Variants in RMDN2 observed in about 807,000 individuals in gnomAD.
The protein encoded by RMDN2 is regulator of microtubule dynamics protein 2.
Under a neutral mutation model 52.8 loss-of-function variants are expected in RMDN2, and 61 were observed. The ratio of observed to expected loss-of-function variants is 1.16; its 90% confidence interval spans 0.94 to 1.43. The LOEUF (loss-of-function observed/expected upper bound fraction) is 1.43. RMDN2 is among the 40% of genes most tolerant of loss of function. The pLI is 0.00. For synonymous variants in RMDN2, 180 were observed against 153.1 expected (o/e 1.18, Z -1.30); for missense variants, 592 against 475.3 (o/e 1.25, Z -2.28).
At position 37,956,389 on chromosome 2, in the gene RMDN2, T is replaced by C. The variant is rs562775469; in HGVS notation, c.453-17651T>C. 5.3e-5 allele frequency among the ~76,000 whole-genome samples: 8 copies of C among 152,278 alleles called. No individual in the cohort carries two copies. In the South Asian group the frequency reaches 1.7e-3, roughly 32 times the overall value. On this transcript the variant is annotated intron_variant, in intron 2 of 10. Transcript: ENST00000354545. ...CTTTTTATTTCTATAAAATCAGTAA[T>C]GTCCCCTCTTTCATTTCTGATTGTA...
chr2:37,945,875 A>G (rs555064643), intron 2 of RMDN2, among the ~76,000 whole-genome samples: 9 of 152,282 alleles, frequency 5.9e-5, no homozygotes, highest in South Asian at 2.1e-4. Context: ...AAGAAAGTAC[A>G]CGGTGTCAGA....
chr2:37,951,617 A>G, intron 2 of RMDN2: 3 of 1,613,484 alleles, frequency 1.9e-6, no homozygotes, highest in Non-Finnish European at 2.5e-6. Context: ...AACTAAGTAT[A>G]GTTTCCTATT....
chr2:38,051,682 C>G (rs1190828152), intron 10 of RMDN2, among the ~76,000 whole-genome samples: 1 of 152,176 alleles, frequency 6.6e-6, no homozygotes, highest in Non-Finnish European at 1.5e-5. Context: ...TCCTCTCCCC[C>G]TACACATACC....
At chr2:37,951,675 T>TTTA in intron 2 of RMDN2, 1 of 1,613,212 alleles carries the variant, frequency 6.2e-7, no homozygotes, top group Non-Finnish European at 8.5e-7. Context: ...CCAGAATGTG[T>TTTA]TTAATCTAAA....
At chr2:38,047,264 A>G (rs898972992) in intron 10 of RMDN2, among the ~76,000 whole-genome samples, 7 of 152,258 alleles carry the variant, frequency 4.6e-5, no homozygotes, top group African/African-American at 1.7e-4. Flanking sequence ...GAAAAGGTAA[A>G]TACGTAAGTA....
chr2:38,064,278 T>A (rs115854119), intron 10 of RMDN2, among the ~76,000 whole-genome samples: 1,872 of 152,138 alleles, frequency 0.012, 42 homozygotes, highest in African/African-American at 0.043. Context: ...GGCGGGTAGA[T>A]CAGGAGTTTG....
At position 37,991,615 on chromosome 2, in the gene RMDN2, A is replaced by G. The variant is rs1208403430; in HGVS notation, c.945+318A>G. 3.9e-5 allele frequency among the ~76,000 whole-genome samples: 6 copies of G among 151,974 alleles called. No homozygotes were observed. In the East Asian group the frequency reaches 9.6e-4, roughly 24 times the overall value. On this transcript the variant is annotated intron_variant, in intron 7 of 10. Coordinates refer to ENST00000354545, the MANE Select transcript of RMDN2 (RefSeq NM_001170791.3). ...TTCCTGCTTTTTCATTTCTTTTTGC[A>G]GTAGTCACGTTCCCTCCCTTTGTGG... is the stretch of plus-strand genomic sequence containing the variant.
chr2:38,020,410 C>T (rs1033978920), downstream of RMDN2, among the ~76,000 whole-genome samples: 1 of 152,208 alleles, frequency 6.6e-6, no homozygotes, highest in Non-Finnish European at 1.5e-5. Flanking sequence ...CCCACTTTGG[C>T]GGCACTTGAG....
At position 38,004,121 on chromosome 2, in the gene RMDN2, A is replaced by G. The variant is rs1417832098; in HGVS notation, c.1099-15A>G. 2 of 1,612,074 alleles carry G rather than the reference A, an allele frequency of 1.2e-6. No homozygotes were observed. The highest frequency in any genetic ancestry group is 2.7e-5 in the African/African-American group (2 of 74,994). ...AAACGGATTATGTTTAATATTGGTT[A>G]TTTCTCATTTCCAGTGTTATACTGA... is the stretch of plus-strand genomic sequence containing the variant. On this transcript the variant is annotated splice_polypyrimidine_tract_variant and intron_variant, in intron 9 of 10. Coordinates refer to ENST00000354545, the MANE Select transcript of RMDN2 (RefSeq NM_001170791.3).
chr2:38,042,371 A>G (rs995867728), intron 10 of RMDN2, among the ~76,000 whole-genome samples: 26 of 150,200 alleles, frequency 1.7e-4, no homozygotes, highest in Admixed American at 1.7e-3. Flanking sequence ...AGATTTATCA[A>G]TCTTATTGAT....
At chr2:37,984,834 CTGAG>C (rs1294768544) in intron 5 of RMDN2, among the ~76,000 whole-genome samples, 2 of 144,042 alleles carry the variant, frequency 1.4e-5, no homozygotes, top group Non-Finnish European at 3.0e-5. Context: ...TTCCATCAGC[CTGAG>C]TATTTGAGAA....
intron 10 of RMDN2, among the ~76,000 whole-genome samples, chr2:38,045,199 T>C (rs4670233): frequency 0.67 from 102,605 of 152,024 alleles, 35,325 homozygotes; most frequent in East Asian, 0.92. Context: ...AATGCAGGCT[T>C]CTGATGAAAA....
intron 4 of RMDN2, among the ~76,000 whole-genome samples, chr2:37,978,727 A>G (rs1236801221): frequency 6.6e-6 from 1 of 152,164 alleles, no homozygotes; most frequent in Non-Finnish European, 1.5e-5. Flanking sequence ...ACAGTGAGCC[A>G]TGATCTCACC....
intron 10 of RMDN2, among the ~76,000 whole-genome samples, chr2:38,026,816 T>G (rs1207689578): frequency 6.6e-6 from 1 of 152,214 alleles, no homozygotes; most frequent in Non-Finnish European, 1.5e-5. Flanking sequence ...TTTAGCAGTA[T>G]CCTACAAATT....
chr2:37,942,178 T>A (rs1485151230), intron 2 of RMDN2, among the ~76,000 whole-genome samples: 1 of 152,132 alleles, frequency 6.6e-6, no homozygotes, highest in Non-Finnish European at 1.5e-5. Flanking sequence ...CCCTTGCACT[T>A]CCTGGGTGAG....
At chr2:37,952,551 A>G (rs888745048) in intron 2 of RMDN2, 1 of 368,188 alleles carries the variant, frequency 2.7e-6, no homozygotes, top group African/African-American at 2.1e-5. Flanking sequence ...TAAAAGTAAT[A>G]CATTCTTTGA....
Position 37,948,662 on chromosome 2 carries a change from A to G in RMDN2, c.452+18933A>G, listed in dbSNP as rs1668430237. 2.6e-5 allele frequency among the ~76,000 whole-genome samples: 4 copies of G among 152,168 alleles called. 1 individual carries two copies. Among genetic ancestry groups the G allele is most frequent in the Admixed American group, 2.6e-4 (4 of 15,276 alleles). On this transcript the variant is annotated intron_variant, in intron 2 of 10. Coordinates refer to ENST00000354545, the MANE Select transcript of RMDN2 (RefSeq NM_001170791.3). ...ATTTAGAGGGTTAGGTAAGTTCTTCACCTAGAACGATATTAATCAGCTTCT... is the reference window on the plus strand; with the variant it reads ...ATTTAGAGGGTTAGGTAAGTTCTTCGCCTAGAACGATATTAATCAGCTTCT...
intron 10 of RMDN2, among the ~76,000 whole-genome samples, chr2:38,029,042 G>T (rs1679988403): frequency 6.6e-6 from 1 of 152,108 alleles, no homozygotes; most frequent in African/African-American, 2.4e-5. Context: ...TGCAAATAAA[G>T]TCCTGTGAGT....
At chr2:37,974,314 A>G (rs1672184036) in intron 3 of RMDN2, 100 bp downstream of exon 3, 1 of 709,166 alleles carries the variant, frequency 1.4e-6, no homozygotes, top group Non-Finnish European at 2.1e-6. Flanking sequence ...TGGTTCCCAC[A>G]TTTTGATGAT....
Sources: allele counts gnomAD v4.1 joint callset (sites outside exome capture counted in the v4.1 genomes callset), GRCh38; gene constraint gnomAD v4.1.1; transcripts MANE v1.5; gene names NCBI Gene and HGNC (gene_info 2026-07-23, HGNC 2026-07-21).